The following CTNNA2 variants were observed in gnomAD, a reference collection of about 807,000 sequenced individuals.
CTNNA2 encodes the protein catenin alpha-2.
In CTNNA2, 42 loss-of-function variants were observed where a neutral mutation model predicts 101.0. The observed-to-expected ratio is 0.42, with a 90% confidence interval of 0.32 to 0.54. The LOEUF (loss-of-function observed/expected upper bound fraction) is 0.54. Among genes scored for constraint, CTNNA2 ranks in the 20% least tolerant of loss-of-function variants. CTNNA2 has a pLI of 0.14. For synonymous variants in CTNNA2, 450 were observed against 456.4 expected (o/e 0.99, Z 0.18); for missense variants, 871 against 1,223.1 (o/e 0.71, Z 4.29).
intron 5 of CTNNA2, among the ~76,000 whole-genome samples, chr2:79,870,824 A>C (rs1319214741): frequency 2.6e-5 from 4 of 152,044 alleles, no homozygotes; most frequent in Admixed American, 6.6e-5. Flanking sequence ...AGCATGGAGG[A>C]ACCACCCCTA....
chr2:80,100,491 A>G (rs1700474853), intron 7 of CTNNA2, among the ~76,000 whole-genome samples: 1 of 151,946 alleles, frequency 6.6e-6, no homozygotes, highest in African/African-American at 2.4e-5. Flanking sequence ...TGGTATCTTC[A>G]CAGAACGTCT....
intron 7 of CTNNA2, among the ~76,000 whole-genome samples, chr2:80,335,856 ATTC>A (rs1196400644): frequency 3.9e-5 from 6 of 152,120 alleles, no homozygotes; most frequent in Non-Finnish European, 8.8e-5. Context: ...TGCATTTGAG[ATTC>A]TTATTTTGTA....
At chr2:80,193,835 T>C (rs1195554688) in intron 7 of CTNNA2, among the ~76,000 whole-genome samples, 1 of 152,174 alleles carries the variant, frequency 6.6e-6, no homozygotes, top group East Asian at 1.9e-4. Context: ...ATGAAGATGA[T>C]ACTGAAAGTC....
At chr2:80,382,010 G>A (rs548696532) in intron 7 of CTNNA2, among the ~76,000 whole-genome samples, 10 of 152,032 alleles carry the variant, frequency 6.6e-5, no homozygotes, top group East Asian at 1.9e-4. Context: ...TCTTTTTCCC[G>A]CATAGGGGAG....
At position 80,350,614 on chromosome 2, in the gene CTNNA2, T is replaced by C. The variant is rs77801756; in HGVS notation, c.1057-42597T>C. Among the ~76,000 whole-genome samples the C allele has an allele frequency of 9.2e-5, 14 of 152,304 alleles. No individual in the cohort carries two copies. The East Asian group carries it at 2.7e-3, about 29-fold the overall frequency. ...AGTAAGACTAAGAGTCCATACCTTGTAGTAATTTATAATGTGAAAAAATAT... is the reference window on the plus strand; with the variant it reads ...AGTAAGACTAAGAGTCCATACCTTGCAGTAATTTATAATGTGAAAAAATAT... On this transcript the variant is annotated intron_variant, in intron 7 of 18. Transcript: ENST00000402739.
At position 80,201,483 on chromosome 2, in the gene CTNNA2, C is replaced by T. The variant is rs538838720; in HGVS notation, c.1057-191728C>T. On this transcript the variant is annotated intron_variant, in intron 7 of 18. Transcript: ENST00000402739. ...CCGCCTCCCAGGTTCATGCCATTCT[C>T]CTGCCTCAGCCTCCCGAGTAGCTGG... Among the ~76,000 whole-genome samples, 131 of 148,974 alleles carry T rather than the reference C, an allele frequency of 8.8e-4. 1 individual carries two copies. The South Asian group carries it at 0.01, about 11-fold the overall frequency.
chr2:79,869,959 A>G (rs1682457514), intron 5 of CTNNA2, 24 bp downstream of exon 5: 1 of 1,611,302 alleles, frequency 6.2e-7, no homozygotes, highest in African/African-American at 1.3e-5. Flanking sequence ...TAGAAATGCT[A>G]GGGGAGAAAA....
intron 9 of CTNNA2, among the ~76,000 whole-genome samples, chr2:80,532,242 C>A (rs1408559211): frequency 6.6e-6 from 1 of 152,120 alleles, no homozygotes. Flanking sequence ...GTTTCAGTTA[C>A]CAGTGGTCTG....
intron 7 of CTNNA2, among the ~76,000 whole-genome samples, chr2:80,338,482 C>T (rs1181865867): frequency 1.3e-5 from 2 of 152,068 alleles, no homozygotes; most frequent in African/African-American, 4.8e-5. Flanking sequence ...AATGGGAGAG[C>T]AGTACAAATA....
At chr2:80,307,658 A>G (rs1377202595) in intron 7 of CTNNA2, among the ~76,000 whole-genome samples, 1 of 152,150 alleles carries the variant, frequency 6.6e-6, no homozygotes, top group Non-Finnish European at 1.5e-5. Flanking sequence ...TCTTCTTCAA[A>G]TGTTGTATAT....
chr2:79,522,751 G>A (rs1342289253), intron 1 of CTNNA2, among the ~76,000 whole-genome samples: 1 of 152,180 alleles, frequency 6.6e-6, no homozygotes, highest in Non-Finnish European at 1.5e-5. Context: ...TACTCGGTAG[G>A]TAGCTGAAAA....
At chr2:79,299,059 G>A (rs1365609222) in intron 2 of CTNNA2, among the ~76,000 whole-genome samples, 2 of 152,182 alleles carry the variant, frequency 1.3e-5, no homozygotes, top group Non-Finnish European at 2.9e-5. Context: ...CTAAGTCTGA[G>A]ATAAACTTCA....
chr2:79,465,783 T>A (rs991394548), intron 4 of CTNNA2, among the ~76,000 whole-genome samples: 4 of 60,028 alleles, frequency 6.7e-5, no homozygotes, highest in Non-Finnish European at 1.3e-4. Flanking sequence ...GCTCTCTGTT[T>A]GTTTGTTATT....
intron 5 of CTNNA2, among the ~76,000 whole-genome samples, chr2:79,506,095 A>G (rs1671407235): frequency 6.6e-6 from 1 of 152,190 alleles, no homozygotes; most frequent in African/African-American, 2.4e-5. Context: ...GTTCAGTGGC[A>G]TTTATATTTT....
At chr2:80,047,072 G>T (rs75419762) in intron 7 of CTNNA2, among the ~76,000 whole-genome samples, 1,565 of 152,188 alleles carry the variant, frequency 0.01, 13 homozygotes, top group Non-Finnish European at 0.016. Flanking sequence ...GATGTCCCCT[G>T]GGGTAAAATC....
At chr2:80,260,746 A>C (rs1181136776) in intron 7 of CTNNA2, among the ~76,000 whole-genome samples, 1 of 152,202 alleles carries the variant, frequency 6.6e-6, no homozygotes, top group Non-Finnish European at 1.5e-5. Context: ...AACCCACGTC[A>C]CATGTTAAAA....
chr2:80,360,260 A>T (rs1243991741), intron 7 of CTNNA2, among the ~76,000 whole-genome samples: 2 of 152,156 alleles, frequency 1.3e-5, no homozygotes, highest in Non-Finnish European at 2.9e-5. Context: ...ATGATAAGTA[A>T]CACACAACTG....
chr2:80,043,030 TCTTTCTTTCC>T (rs1558754534), intron 7 of CTNNA2, among the ~76,000 whole-genome samples: 2 of 60,244 alleles, frequency 3.3e-5, no homozygotes, highest in Non-Finnish European at 6.1e-5. Flanking sequence ...TTTCTTTCTT[TCTTTCTTTCC>T]TTCTTTCTTT....
intron 7 of CTNNA2, among the ~76,000 whole-genome samples, chr2:79,978,463 A>G (rs1021049135): frequency 2.6e-5 from 4 of 152,094 alleles, no homozygotes; most frequent in South Asian, 2.1e-4. Context: ...ACCATATAAT[A>G]ATGACTATCA....
Sources: allele counts gnomAD v4.1 joint callset (sites outside exome capture counted in the v4.1 genomes callset), GRCh38; gene constraint gnomAD v4.1.1; transcripts MANE v1.5; gene names NCBI Gene and HGNC (gene_info 2026-07-23, HGNC 2026-07-21).